The following MTUS2 variants were observed in gnomAD, a reference collection of about 807,000 sequenced individuals.
MTUS2 encodes microtubule-associated tumor suppressor candidate 2.
A neutral mutation model predicts 114.1 loss-of-function variants in MTUS2; 40 were observed. The ratio of observed to expected loss-of-function variants is 0.35; its 90% CI spans 0.27 to 0.46. The LOEUF (loss-of-function observed/expected upper bound fraction) is 0.46, where lower values mean the gene tolerates loss of function less well. MTUS2 is among the 20% of genes least tolerant of loss of function. MTUS2 has a pLI of 1.00. For synonymous variants in MTUS2, 688 were observed against 672.0 expected (o/e 1.02, Z -0.37); for missense variants, 1,679 against 1,705.4 (o/e 0.98, Z 0.27).
At chr13:28,950,068 A>G (rs906379622) in intron 2 of MTUS2, among the ~76,000 whole-genome samples, 1 of 152,244 alleles carries the variant, frequency 6.6e-6, no homozygotes, top group Non-Finnish European at 1.5e-5. Flanking sequence ...TTACATTCAC[A>G]ACAGTGCACA....
chr13:29,500,287 G>T (rs1882801015), intron 14 of MTUS2, among the ~76,000 whole-genome samples: 1 of 152,202 alleles, frequency 6.6e-6, no homozygotes, highest in African/African-American at 2.4e-5. Flanking sequence ...CAGTCCTGTG[G>T]CTAGGATTCC....
At position 29,328,218 on chromosome 13, in the gene MTUS2, A is replaced by T. The variant is rs192586377; in HGVS notation, c.2905+3507A>T. ...ATGAAAATACATTTGATAATAGAAAAATCCAAATTCTGCCAAAATATGTTT... is the reference window on the plus strand; with the variant it reads ...ATGAAAATACATTTGATAATAGAAATATCCAAATTCTGCCAAAATATGTTT... On this transcript the variant is annotated intron_variant, in intron 7 of 15. Transcript: ENST00000612955. Among the ~76,000 whole-genome samples, 708 of 152,366 alleles carry T rather than the reference A, an allele frequency of 4.6e-3. 6 individuals carry two copies. The highest frequency in any genetic ancestry group is 0.016 in the African/African-American group (662 of 41,592).
chr13:29,013,019 T>C (rs1885918982), intron 2 of MTUS2, among the ~76,000 whole-genome samples: 1 of 152,164 alleles, frequency 6.6e-6, no homozygotes, highest in Admixed American at 6.5e-5. Flanking sequence ...ACACTTGAAT[T>C]CCATTTTTAA....
intron 2 of MTUS2, among the ~76,000 whole-genome samples, chr13:28,985,711 C>T (rs1884555032): frequency 6.6e-6 from 1 of 152,072 alleles, no homozygotes; most frequent in African/African-American, 2.4e-5. Flanking sequence ...AAAGATTATT[C>T]TGGATATTTC....
At chr13:29,121,886 C>G (rs1891325739) in intron 5 of MTUS2, among the ~76,000 whole-genome samples, 1 of 151,988 alleles carries the variant, frequency 6.6e-6, no homozygotes, top group Non-Finnish European at 1.5e-5. Context: ...TCTTGACCTC[C>G]CAACCTGAGG....
rs557884383 is a variant in MTUS2, at chr13:29,389,398, T to C, written c.3117+29925T>C. Among the ~76,000 whole-genome samples the C allele has an allele frequency of 2.7e-3, 47 of 17,430 alleles. 5 individuals carry two copies. Among genetic ancestry groups the C allele is most frequent in the African/African-American group, 7.0e-3 (46 of 6,586 alleles). The allele number at this position is 17,430 out of a possible 152,430, so 11.4% of individuals were successfully genotyped here. On this transcript the variant is annotated intron_variant, in intron 8 of 15. Coordinates refer to ENST00000612955, the MANE Select transcript of MTUS2 (RefSeq NM_001033602.4). Reference sequence around the variant, plus strand: ...GTATATATGTATACACGTGTGTGTATATATGTATACACGTGTGTGTGTATG... The same window carrying C: ...GTATATATGTATACACGTGTGTGTACATATGTATACACGTGTGTGTGTATG...
intron 8 of MTUS2, among the ~76,000 whole-genome samples, chr13:29,439,282 A>C (rs1242190922): frequency 6.6e-6 from 1 of 152,244 alleles, no homozygotes; most frequent in African/African-American, 2.4e-5. Flanking sequence ...CACATCTTCA[A>C]CTACTTCCCT....
chr13:29,252,579 G>A (rs1311499701), intron 5 of MTUS2, among the ~76,000 whole-genome samples: 1 of 152,110 alleles, frequency 6.6e-6, no homozygotes, highest in African/African-American at 2.4e-5. Flanking sequence ...GCAGTGATAT[G>A]GTTTGGCTGT....
intron 2 of MTUS2, among the ~76,000 whole-genome samples, chr13:28,907,817 C>T (rs558275169): frequency 6.6e-6 from 1 of 151,602 alleles, no homozygotes; most frequent in Non-Finnish European, 1.5e-5. Context: ...GACTTTAACA[C>T]CCCACTGTCA....
At chr13:28,836,936 C>G (rs1045008014) in intron 1 of MTUS2, among the ~76,000 whole-genome samples, 1 of 152,164 alleles carries the variant, frequency 6.6e-6, no homozygotes, top group African/African-American at 2.4e-5. Flanking sequence ...TGTGTTGTTA[C>G]CTTGGGCAAG....
chr13:29,197,620 C>T (rs1458027250), intron 5 of MTUS2, among the ~76,000 whole-genome samples: 1 of 152,144 alleles, frequency 6.6e-6, no homozygotes, highest in Non-Finnish European at 1.5e-5. Context: ...GGTTCTGAAT[C>T]CTTGAGGAAT....
chr13:29,476,125 T>C (rs1252102919), intron 9 of MTUS2, among the ~76,000 whole-genome samples: 1 of 152,198 alleles, frequency 6.6e-6, no homozygotes, highest in Non-Finnish European at 1.5e-5. Flanking sequence ...TATAACTTCC[T>C]ACAGTATTCA....
chr13:28,955,065 T>G (rs190282703), intron 2 of MTUS2, among the ~76,000 whole-genome samples: 4 of 152,276 alleles, frequency 2.6e-5, no homozygotes, highest in Admixed American at 2.6e-4. Context: ...CGAGACCAGT[T>G]TTCACTGGGT....
chr13:29,349,910 A>G (rs553648978), intron 7 of MTUS2, among the ~76,000 whole-genome samples: 2 of 152,140 alleles, frequency 1.3e-5, no homozygotes, highest in East Asian at 1.9e-4. Context: ...TACAGTTTTC[A>G]TCAAATAATA....
At chr13:29,133,596 T>G (rs1322342361) in intron 5 of MTUS2, among the ~76,000 whole-genome samples, 1 of 152,238 alleles carries the variant, frequency 6.6e-6, no homozygotes, top group Non-Finnish European at 1.5e-5. Context: ...AAGAATCATT[T>G]GTTGAAATGA....
intron 3 of MTUS2, among the ~76,000 whole-genome samples, chr13:29,029,183 C>T (rs1036932686): frequency 5.9e-5 from 9 of 152,306 alleles, no homozygotes; most frequent in Middle Eastern, 6.8e-3. Flanking sequence ...CTGATTATAA[C>T]GGACTTCCTA....
At chr13:29,103,356 G>A (rs974703421) in intron 5 of MTUS2, among the ~76,000 whole-genome samples, 3 of 152,204 alleles carry the variant, frequency 2.0e-5, no homozygotes, top group Non-Finnish European at 2.9e-5. Flanking sequence ...CTCCTAGGCT[G>A]CAAACCTATA....
At chr13:29,087,004 G>A (rs1566000399) in intron 4 of MTUS2, among the ~76,000 whole-genome samples, 1 of 152,134 alleles carries the variant, frequency 6.6e-6, no homozygotes, top group African/African-American at 2.4e-5. Flanking sequence ...GCCTTCTGAA[G>A]GAGTCTTTAG....
chr13:29,444,652 T>C (rs746015883), intron 9 of MTUS2, among the ~76,000 whole-genome samples: 2 of 152,156 alleles, frequency 1.3e-5, no homozygotes, highest in Non-Finnish European at 2.9e-5. Context: ...GGAGTTTGAT[T>C]TGGGCCAGGG....
Sources: allele counts gnomAD v4.1 joint callset (sites outside exome capture counted in the v4.1 genomes callset), GRCh38; gene constraint gnomAD v4.1.1; transcripts MANE v1.5; gene names NCBI Gene and HGNC (gene_info 2026-07-23, HGNC 2026-07-21).